Variants in DENND4C observed in about 807,000 individuals in gnomAD.
The protein encoded by DENND4C is DENN domain containing 4C, also known as DENN domain-containing protein 4C.
In DENND4C, 108 loss-of-function variants were observed where a neutral mutation model predicts 203.0. The ratio of observed to expected loss-of-function variants is 0.53; its 90% confidence interval spans 0.46 to 0.62. The LOEUF (loss-of-function observed/expected upper bound fraction) is 0.62. DENND4C is among the 20% of genes least tolerant of loss of function. DENND4C has a pLI of 0.00. For missense variants in DENND4C, 2,481 were observed against 2,301.2 expected, an observed-to-expected ratio of 1.08 and a Z score of -1.60; for synonymous variants, 871 against 792.4, an observed-to-expected ratio of 1.10 and a Z score of -1.67.
intron 5 of DENND4C, among the ~76,000 whole-genome samples, chr9:19,295,717 T>G (rs1383445604): frequency 6.6e-6 from 1 of 151,574 alleles, no homozygotes; most frequent in Non-Finnish European, 1.5e-5. Flanking sequence ...AAACTTAAGT[T>G]GAGTGAGATC....
intron 1 of DENND4C, among the ~76,000 whole-genome samples, chr9:19,242,031 G>A (rs1823877965): frequency 6.6e-6 from 1 of 152,056 alleles, no homozygotes; most frequent in African/African-American, 2.4e-5. Flanking sequence ...AAATTATTGT[G>A]AGAAATAGTT....
rs776860480 is a variant in DENND4C, at chr9:19,310,363, AT to A, written c.1487+4838del. Among the ~76,000 whole-genome samples the A allele has an allele frequency of 8.5e-5, 13 of 152,336 alleles. No individual in the cohort carries two copies. In the South Asian group the frequency reaches 2.3e-3, roughly 27 times the overall value. On this transcript the variant is annotated intron_variant, in intron 10 of 32. Transcript: ENST00000434457. Reference sequence around the variant, plus strand: ...GAGCAGTTTGTCATAAAGTATGATTATTGATATACAACAGGGATTGACATCT... The same window carrying A: ...GAGCAGTTTGTCATAAAGTATGATTATGATATACAACAGGGATTGACATCT...
chr9:19,258,443 C>T (rs936784859), intron 1 of DENND4C, among the ~76,000 whole-genome samples: 3 of 152,086 alleles, frequency 2.0e-5, no homozygotes, highest in African/African-American at 4.8e-5. Context: ...TAAAATTTCA[C>T]ACAAAATTGT....
rs748713253 is a variant in DENND4C at position 19,316,727 on chromosome 9, A to G, written c.1695A>G (p.Ala565=). 6.2e-7 allele frequency: 1 copy of G among 1,614,082 alleles called. No homozygotes were observed. The highest frequency in any genetic ancestry group is 8.5e-7 in the Non-Finnish European group (1 of 1,179,990). Residue 565 remains alanine, a synonymous_variant, in exon 12 of 33, where the codon GCA becomes GCG. Coordinates refer to ENST00000434457, the MANE Select transcript of DENND4C (RefSeq NM_001330640.2). The stretch of plus-strand genomic sequence containing the variant: ...AGCTTGAGATGGAAATTCAAGAGGC[A>G]TTTTTGCGCTTTATGGCGTCTATTT... ...MTQLEMEIQE[A]FLRFMASILK...
chr9:19,329,092 C>G (rs1402034869), intron 16 of DENND4C, among the ~76,000 whole-genome samples: 1 of 152,106 alleles, frequency 6.6e-6, no homozygotes, highest in Non-Finnish European at 1.5e-5. Context: ...ATACAGCATA[C>G]CCACTTAAAG....
chr9:19,368,423 C>G (rs1416258663), intron 30 of DENND4C, among the ~76,000 whole-genome samples: 4 of 152,150 alleles, frequency 2.6e-5, no homozygotes, highest in East Asian at 3.9e-4. Context: ...GCCACTACAC[C>G]CGGCCGAATT....
chr9:19,276,589 A>T, intron 2 of DENND4C, 110 bp downstream of exon 2: 1 of 594,590 alleles, frequency 1.7e-6, no homozygotes, highest in South Asian at 9.3e-5. Flanking sequence ...ATAGTTTATT[A>T]TTATTGATAG....
intron 2 of DENND4C, among the ~76,000 whole-genome samples, chr9:19,284,029 A>C (rs1368852258): frequency 6.6e-6 from 1 of 152,202 alleles, no homozygotes; most frequent in Non-Finnish European, 1.5e-5. Flanking sequence ...ACATGTGAAA[A>C]GTTGATAAAC....
chr9:19,257,750 T>C lies in DENND4C; in HGVS notation c.-17-18408T>C, dbSNP rs557109177. On this transcript the variant is annotated intron_variant, in intron 1 of 32. Coordinates refer to ENST00000434457, the MANE Select transcript of DENND4C (RefSeq NM_001330640.2). Reference sequence around the variant, plus strand: ...ACACTAAATGGATAGTAATAGAATATTATGAACAACTTTATGCCAATAAAT... The same window carrying C: ...ACACTAAATGGATAGTAATAGAATACTATGAACAACTTTATGCCAATAAAT... Among the ~76,000 whole-genome samples, 4 of 152,288 alleles carry C rather than the reference T, an allele frequency of 2.6e-5. No homozygotes were observed. In the South Asian group the frequency reaches 8.3e-4, roughly 32 times the overall value.
chr9:19,359,758 T>C (rs1055091778), intron 28 of DENND4C, among the ~76,000 whole-genome samples: 3 of 152,316 alleles, frequency 2.0e-5, no homozygotes, highest in Middle Eastern at 3.4e-3. Context: ...TCATTTCTTA[T>C]TTTATTTGAA....
chr9:19,278,870 GC>G lies in DENND4C; in HGVS notation c.305+2398del, dbSNP rs548821155. 1.2e-3 allele frequency among the ~76,000 whole-genome samples: 186 copies of G among 151,894 alleles called. 1 individual carries two copies. The highest frequency in any genetic ancestry group is 3.6e-3 in the African/African-American group (151 of 41,384). On this transcript the variant is annotated intron_variant, in intron 2 of 32. Coordinates refer to ENST00000434457, the MANE Select transcript of DENND4C (RefSeq NM_001330640.2). ...GATTAATAAAGGCCCCCTCCACTCTGCCCCCCCAGAAGCTTGACTTTAAGGG... is the reference window on the plus strand; with the variant it reads ...GATTAATAAAGGCCCCCTCCACTCTGCCCCCCAGAAGCTTGACTTTAAGGG...
At chr9:19,263,346 TTTTG>T (rs1366084548) in intron 1 of DENND4C, among the ~76,000 whole-genome samples, 6 of 152,074 alleles carry the variant, frequency 3.9e-5, no homozygotes, top group Non-Finnish European at 7.4e-5. Context: ...GCTTGTTGTT[TTTTG>T]TTTGTTTGTT....
intron 1 of DENND4C, among the ~76,000 whole-genome samples, chr9:19,239,824 G>A (rs573162414): frequency 3.3e-5 from 5 of 152,020 alleles, no homozygotes; most frequent in South Asian, 2.1e-4. Flanking sequence ...CTTGTTTTAC[G>A]GTCCAGCATA....
At chr9:19,243,207 T>A (rs914636255) in intron 1 of DENND4C, among the ~76,000 whole-genome samples, 4 of 152,212 alleles carry the variant, frequency 2.6e-5, no homozygotes, top group African/African-American at 7.2e-5. Flanking sequence ...TTTATAGATT[T>A]ACCTATTTTG....
intron 27 of DENND4C, 152 bp from the exon 28 acceptor site, chr9:19,357,813 G>T: frequency 3.3e-6 from 2 of 609,868 alleles, no homozygotes; most frequent in Non-Finnish European, 2.7e-6. Flanking sequence ...TTACAAAAAT[G>T]GTTGAAGGAA....
rs75277842 is a variant in DENND4C, at chr9:19,310,501, T to C, written c.1487+4974T>C. ...ATGCAACAGCACATTTGAGTAGTTATGACAGAGACTGTATGGTCCTTAAAG... is the reference window on the plus strand; with the variant it reads ...ATGCAACAGCACATTTGAGTAGTTACGACAGAGACTGTATGGTCCTTAAAG... On this transcript the variant is annotated intron_variant, in intron 10 of 32. Coordinates refer to ENST00000434457, the MANE Select transcript of DENND4C (RefSeq NM_001330640.2). 8.2e-3 allele frequency among the ~76,000 whole-genome samples: 1,251 copies of C among 152,370 alleles called. 8 individuals are homozygous for C. The highest frequency in any genetic ancestry group is 0.012 in the Non-Finnish European group (793 of 68,038).
intron 23 of DENND4C, among the ~76,000 whole-genome samples, chr9:19,347,373 C>G (rs41269025): frequency 6.6e-6 from 1 of 152,114 alleles, no homozygotes; most frequent in East Asian, 1.9e-4. Flanking sequence ...TCAGGTGATC[C>G]AACTGCATCA....
chr9:19,330,854 A>C (rs1388324654), intron 16 of DENND4C, among the ~76,000 whole-genome samples: 2 of 151,978 alleles, frequency 1.3e-5, no homozygotes, highest in African/African-American at 4.8e-5. Context: ...GTTCTAGACC[A>C]GTCTGGCCAA....
chr9:19,258,906 C>T (rs142997502), intron 1 of DENND4C, among the ~76,000 whole-genome samples: 3,714 of 152,204 alleles, frequency 0.024, 62 homozygotes, highest in Non-Finnish European at 0.025. Context: ...TTGCCTGCCT[C>T]GGCCTCCCAA....
Sources: gnomAD v4.1 joint callset for allele counts (sites outside exome capture counted in the v4.1 genomes callset) on GRCh38, gnomAD v4.1.1 for gene constraint, MANE v1.5 for transcripts, NCBI Gene and HGNC (gene_info 2026-07-23, HGNC 2026-07-21) for gene names.